The following HDAC4 variants were observed in gnomAD, a reference collection of about 807,000 sequenced individuals.
The protein encoded by HDAC4 is histone deacetylase 4.
HDAC4 carries 16 observed loss-of-function variants against 135.1 expected under a neutral mutation model. The observed-to-expected ratio is 0.12, with a 90% CI of 0.08 to 0.18. The LOEUF (loss-of-function observed/expected upper bound fraction) is 0.18, where lower values mean the gene tolerates loss of function less well. Among genes scored for constraint, HDAC4 ranks in the 10% least tolerant of loss-of-function variants. The pLI, the probability that HDAC4 is intolerant of heterozygous loss-of-function variation, is 1.00. For synonymous variants in HDAC4, 685 were observed against 653.4 expected (o/e 1.05, Z -0.74); for missense variants, 1,143 against 1,511.8 (o/e 0.76, Z 4.05).
intron 1 of HDAC4, among the ~76,000 whole-genome samples, chr2:239,382,748 C>T (rs1245196976): frequency 6.6e-6 from 1 of 151,360 alleles, no homozygotes; most frequent in Non-Finnish European, 1.5e-5. Context: ...TTTTTAGACG[C>T]AGTTTGGTTC....
chr2:239,234,279 C>T (rs11689916), intron 3 of HDAC4, among the ~76,000 whole-genome samples: 2 of 152,196 alleles, frequency 1.3e-5, no homozygotes, highest in African/African-American at 2.4e-5. Context: ...ACTCCCACCA[C>T]GCCCACCAAC....
intron 4 of HDAC4, among the ~76,000 whole-genome samples, chr2:239,188,660 C>T (rs777261516): frequency 1.4e-4 from 21 of 152,362 alleles, no homozygotes; most frequent in Admixed American, 5.9e-4. Flanking sequence ...GCCCTACGTG[C>T]GACCCAGTGG....
rs939070754 is a variant in HDAC4, at chr2:239,378,895, G to A, written c.-220+22083C>T. ...CAAAGAGGACACACCAGGCCTCCTC[G>A]AAGACTGCCAAGCTCTGTCTAGTTC... On this transcript the variant is annotated intron_variant, in intron 1 of 26. Coordinates refer to ENST00000543185, the MANE Select transcript of HDAC4 (RefSeq NM_001378414.1). 4.6e-5 allele frequency among the ~76,000 whole-genome samples: 7 copies of A among 152,152 alleles called. No individual in the cohort carries two copies. The East Asian group carries it at 5.8e-4, about 13-fold the overall frequency.
intron 24 of HDAC4, among the ~76,000 whole-genome samples, chr2:239,055,894 C>G (rs2031761257): frequency 6.6e-6 from 1 of 152,188 alleles, no homozygotes; most frequent in South Asian, 2.1e-4. Flanking sequence ...CTGGAGCCAG[C>G]CTTGCTGGGG....
intron 8 of HDAC4, among the ~76,000 whole-genome samples, chr2:239,140,128 GA>G (rs2041260424): frequency 6.6e-6 from 1 of 152,196 alleles, no homozygotes; most frequent in Non-Finnish European, 1.5e-5. Flanking sequence ...AGAAAATGCA[GA>G]AGCTAAGTGA....
rs540431173 is a variant in HDAC4 at position 239,190,061 on chromosome 2, C to G, written c.111G>C (p.Ala37=). The G allele has an allele frequency of 3.7e-6, 6 of 1,600,734 alleles. No homozygotes were observed. The African/African-American group carries it at 8.0e-5, about 21-fold the overall frequency. ...CCGAGGGGGCCACTTGCAGAGGCAG[C>G]GCCGTGGCCACATCCACTGTGGGAA... ...HMPSTVDVAT[A]LPLQVAPSAV... The change falls in exon 4 of 27, where the codon GCG becomes GCC. Residue 37 remains alanine (A), a synonymous_variant. Coordinates refer to ENST00000543185, the MANE Select transcript of HDAC4 (RefSeq NM_001378414.1).
chr2:239,120,949 G>A (rs570478907), intron 12 of HDAC4, among the ~76,000 whole-genome samples: 61 of 152,104 alleles, frequency 4.0e-4, no homozygotes, highest in Admixed American at 3.9e-4. Flanking sequence ...GGGAGGACTC[G>A]GTGGACACAG....
chr2:239,088,472 G>T (rs1255910181), intron 18 of HDAC4, among the ~76,000 whole-genome samples: 1 of 152,278 alleles, frequency 6.6e-6, no homozygotes, highest in African/African-American at 2.4e-5. Flanking sequence ...GCTTCCGAGT[G>T]TAGGCTGCAG....
chr2:239,075,860 G>A (rs1031595140), intron 22 of HDAC4, among the ~76,000 whole-genome samples: 8 of 152,158 alleles, frequency 5.3e-5, no homozygotes, highest in African/African-American at 1.4e-4. Flanking sequence ...TTGGTTTCCC[G>A]GGAAACAAAG....
At chr2:239,089,934 T>C (rs1206542349) in intron 18 of HDAC4, 75 bp downstream of exon 18, 1 of 1,067,260 alleles carries the variant, frequency 9.4e-7, no homozygotes, top group East Asian at 2.4e-5. Flanking sequence ...GGAGACGGAG[T>C]GGGCGGCCCC....
chr2:239,324,950 C>G (rs750485415), intron 2 of HDAC4, among the ~76,000 whole-genome samples: 12 of 152,236 alleles, frequency 7.9e-5, no homozygotes, highest in Non-Finnish European at 2.9e-5. Flanking sequence ...TGAGCAAGAT[C>G]TTTCCTCTAA....
At chr2:239,178,468 G>T (rs891209835) in intron 4 of HDAC4, among the ~76,000 whole-genome samples, 1 of 152,088 alleles carries the variant, frequency 6.6e-6, no homozygotes, top group African/African-American at 2.4e-5. Flanking sequence ...GGCTGGTCTC[G>T]AACTCCTGGG....
At chr2:239,301,669 AGAG>A (rs1164815469) in intron 2 of HDAC4, among the ~76,000 whole-genome samples, 2 of 152,052 alleles carry the variant, frequency 1.3e-5, no homozygotes, top group Non-Finnish European at 2.9e-5. Context: ...TTTTCTGTAG[AGAG>A]GAGGTGTTCC....
rs1346717052 is a variant in HDAC4, at chr2:239,307,478, C to G, written c.22+45200G>C. On this transcript the variant is annotated intron_variant, in intron 2 of 26. Coordinates refer to ENST00000543185, the MANE Select transcript of HDAC4 (RefSeq NM_001378414.1). This position sits in a 1 kb window ranked among gnomAD's most constrained non-coding sequence, Gnocchi z 4.8. Reference sequence around the variant, plus strand: ...ACAAAAGGGAACCCCCCTCCCACCACTAATCAGGGACCTGCCAGAGATACG... The same window carrying G: ...ACAAAAGGGAACCCCCCTCCCACCAGTAATCAGGGACCTGCCAGAGATACG... Among the ~76,000 whole-genome samples, 1 of 152,186 alleles carries G rather than the reference C, an allele frequency of 6.6e-6. No individual in the cohort carries two copies. Among genetic ancestry groups the G allele is most frequent in the African/African-American group, 2.4e-5 (1 of 41,458 alleles).
chr2:239,304,358 C>T (rs1241649047), intron 2 of HDAC4, among the ~76,000 whole-genome samples: 1 of 152,124 alleles, frequency 6.6e-6, no homozygotes, highest in Non-Finnish European at 1.5e-5. Context: ...GTGTAAACAC[C>T]AGGCACATAG....
At position 239,352,921 on chromosome 2, in the gene HDAC4, G is replaced by T. The variant is rs1693256055; in HGVS notation, c.-219-3C>A. ...TCCGCTGGCTTCTGCAGATGAACCT[G>T]CAAGGTCAGAAGGAGAAAAGAGACT... On this transcript the variant is annotated splice_polypyrimidine_tract_variant and splice_region_variant and intron_variant, in intron 1 of 26. Transcript: ENST00000543185. This position sits in a 1 kb window ranked among gnomAD's most constrained non-coding sequence, Gnocchi z 4.4. 1 of 584,614 alleles carries T rather than the reference G, an allele frequency of 1.7e-6. No individual in the cohort carries two copies. The highest frequency in any genetic ancestry group is 2.9e-5 in the Admixed American group (1 of 35,076). 36.2% of individuals were successfully genotyped at this position (584,614 alleles called of 1,614,324 possible).
chr2:239,099,838 C>G (rs150988417), intron 16 of HDAC4, among the ~76,000 whole-genome samples: 1 of 152,250 alleles, frequency 6.6e-6, no homozygotes, highest in Non-Finnish European at 1.5e-5. Context: ...CAGTAGAGGC[C>G]GGCCTCCATG....
intron 2 of HDAC4, among the ~76,000 whole-genome samples, chr2:239,277,953 CGGCTCCCCGTCTCTCCTG>C (rs2050474090): frequency 6.6e-6 from 1 of 151,780 alleles, no homozygotes. Context: ...GCCACACACT[CGGCTCCCCGTCTCTCCTG>C]AGCAGGCCAG....
intron 2 of HDAC4, among the ~76,000 whole-genome samples, chr2:239,305,063 T>C (rs973842649): frequency 1.3e-5 from 2 of 152,158 alleles, no homozygotes; most frequent in Non-Finnish European, 2.9e-5. Context: ...TCTGTGTTCT[T>C]AGACAGCCTT....
Sources: allele counts gnomAD v4.1 joint callset (sites outside exome capture counted in the v4.1 genomes callset), GRCh38; gene constraint gnomAD v4.1.1; non-coding constraint Gnocchi (gnomAD v3.1); transcripts MANE v1.5; gene names NCBI Gene and HGNC (gene_info 2026-07-23, HGNC 2026-07-21).